FEZ1: variants seen among roughly 807,000 people sequenced by gnomAD.
FEZ1 encodes the protein fasciculation and elongation protein zeta-1.
A neutral mutation model predicts 49.3 loss-of-function variants in FEZ1; 20 were observed. The observed-to-expected ratio is 0.41, with a 90% confidence interval of 0.29 to 0.59. The LOEUF is 0.59. Among genes scored for constraint, FEZ1 ranks in the 20% least tolerant of loss-of-function variants. The probability of loss-of-function intolerance (pLI) is 0.36; values close to 1 mark genes in which losing one functional copy is unlikely to be tolerated. For missense variants in FEZ1, 413 were observed against 476.0 expected, an observed-to-expected ratio of 0.87 and a Z score of 1.23; for synonymous variants, 170 against 180.9, an observed-to-expected ratio of 0.94 and a Z score of 0.48.
intron 3 of FEZ1, among the ~76,000 whole-genome samples, chr11:125,475,593 G>T (rs1203084470): frequency 1.3e-5 from 2 of 152,016 alleles, no homozygotes; most frequent in Non-Finnish European, 2.9e-5. Flanking sequence ...GAGGATGAAG[G>T]GTGGGAGGAG....
chr11:125,460,944 G>A (rs989720737), intron 4 of FEZ1, among the ~76,000 whole-genome samples: 2 of 152,136 alleles, frequency 1.3e-5, no homozygotes, highest in African/African-American at 4.8e-5. Flanking sequence ...AGGAAGCAAG[G>A]CAGAGCTGCC....
intron 1 of FEZ1, among the ~76,000 whole-genome samples, chr11:125,491,357 G>C (rs1284574890): frequency 2.0e-5 from 3 of 152,160 alleles, no homozygotes; most frequent in African/African-American, 7.2e-5. Context: ...ATTCCTCGAG[G>C]ACACAGAAAT....
At chr11:125,462,671 G>A (rs1195276960) in intron 4 of FEZ1, among the ~76,000 whole-genome samples, 1 of 152,218 alleles carries the variant, frequency 6.6e-6, no homozygotes, top group Non-Finnish European at 1.5e-5. Context: ...TGGGCAACCT[G>A]AGGCAGAAAG....
At chr11:125,474,831 T>G (rs1041408477) in intron 3 of FEZ1, among the ~76,000 whole-genome samples, 1 of 152,140 alleles carries the variant, frequency 6.6e-6, no homozygotes, top group Non-Finnish European at 1.5e-5. Flanking sequence ...GAGGTTGCAG[T>G]GAGCTGAGAT....
intron 1 of FEZ1, among the ~76,000 whole-genome samples, chr11:125,490,662 G>C (rs1957372658): frequency 6.6e-6 from 1 of 152,088 alleles, no homozygotes. Context: ...AGGAGTTCAA[G>C]ACCAGCCTGG....
intron 3 of FEZ1, among the ~76,000 whole-genome samples, chr11:125,471,183 G>A (rs549307933): frequency 1.3e-5 from 2 of 151,902 alleles, no homozygotes; most frequent in African/African-American, 4.8e-5. Flanking sequence ...TGGAACAGAG[G>A]AACAACAAAA....
At chr11:125,455,123 G>T (rs892798996) in intron 6 of FEZ1, among the ~76,000 whole-genome samples, 2 of 151,918 alleles carry the variant, frequency 1.3e-5, no homozygotes, top group Non-Finnish European at 2.9e-5. Context: ...AGGCACGGTG[G>T]CTCATGCCCG....
At position 125,495,126 on chromosome 11, in the gene FEZ1, T is replaced by C; in HGVS notation, c.-46+995A>G. The C allele has an allele frequency of 2.9e-6, 1 of 345,802 alleles. No homozygotes were observed. The highest frequency in any genetic ancestry group is 5.9e-6 in the Non-Finnish European group (1 of 168,884). 21.4% of individuals were successfully genotyped at this position (345,802 alleles called of 1,614,324 possible). A position where few individuals can be genotyped will look rare whatever the true frequency, so the allele number is the denominator to read the frequency against. On this transcript the variant is annotated intron_variant, in intron 1 of 9. Coordinates refer to ENST00000278919, the MANE Select transcript of FEZ1 (RefSeq NM_005103.5). This position sits in a 1 kb window ranked among gnomAD's most constrained non-coding sequence, Gnocchi z 4.2. ...CCCTTCGCGGTTCTGCTTGCTCCCC[T>C]CCCCCTCCTCCCGCTGCTCCATTCA...
chr11:125,452,885 T>C (rs1169340482), intron 7 of FEZ1: 1 of 153,980 alleles, frequency 6.5e-6, no homozygotes, highest in Non-Finnish European at 1.4e-5. Flanking sequence ...CAGGGCCTAG[T>C]GGGCTGTCAA....
In FEZ1 at chr11:125,495,186, G is replaced by A; in HGVS notation, c.-46+935C>T. 1 of 356,568 alleles carries A rather than the reference G, an allele frequency of 2.8e-6. No individual in the cohort carries two copies. The highest frequency in any genetic ancestry group is 2.1e-5 in the South Asian group (1 of 46,654). The allele number at this position is 356,568 out of a possible 1,614,324, so 22.1% of individuals were successfully genotyped here. A position where few individuals can be genotyped will look rare whatever the true frequency, so the allele number is the denominator to read the frequency against. Reference sequence around the variant, plus strand: ...CAGATCCCCCTCCTCCCCCCAGTCCGGTGGGGTAAAGAAAGCCTCCTCCAG... The same window carrying A: ...CAGATCCCCCTCCTCCCCCCAGTCCAGTGGGGTAAAGAAAGCCTCCTCCAG... On this transcript the variant is annotated intron_variant, in intron 1 of 9. Coordinates refer to ENST00000278919, the MANE Select transcript of FEZ1 (RefSeq NM_005103.5). This position sits in a 1 kb window ranked among gnomAD's most constrained non-coding sequence, Gnocchi z 4.2.
In FEZ1 at chr11:125,495,351, G is replaced by T. The variant is rs1363628920; in HGVS notation, c.-46+770C>A. 2 of 470,112 alleles carry T rather than the reference G, an allele frequency of 4.3e-6. No individual in the cohort carries two copies. Among genetic ancestry groups the T allele is most frequent in the Admixed American group, 4.7e-5 (2 of 42,482 alleles). 29.1% of individuals were successfully genotyped at this position (470,112 alleles called of 1,614,324 possible). A position where few individuals can be genotyped will look rare whatever the true frequency, so the allele number is the denominator to read the frequency against. The stretch of plus-strand genomic sequence containing the variant: ...GGGATGCCTAGCGGCGAGGAGAGAA[G>T]GGATAGGCAAAAGGGAAGAAGAGCG... On this transcript the variant is annotated intron_variant, in intron 1 of 9. Transcript: ENST00000278919. The surrounding 1 kb of genome is among the most constrained non-coding windows in gnomAD (Gnocchi z 4.2).
chr11:125,447,593 G>A (rs1024189864), intron 9 of FEZ1, among the ~76,000 whole-genome samples: 1 of 152,148 alleles, frequency 6.6e-6, no homozygotes. Flanking sequence ...AGGCCAAGGC[G>A]AGTGGATCAC....
At position 125,489,187 on chromosome 11, in the gene FEZ1, A is replaced by T. The variant is rs1276706624; in HGVS notation, c.311+280T>A. On this transcript the variant is annotated intron_variant, in intron 2 of 9. Transcript: ENST00000278919. The surrounding 1 kb of genome is among the most constrained non-coding windows in gnomAD (Gnocchi z 4.2). ...TCCACTGATATAAAGAAAGCTTAAGATAGACAGACCCTGAAATTTACTGTG... is the reference window on the plus strand; with the variant it reads ...TCCACTGATATAAAGAAAGCTTAAGTTAGACAGACCCTGAAATTTACTGTG... The T allele has an allele frequency of 9.1e-7, 1 of 1,099,262 alleles. No individual in the cohort carries two copies. Among genetic ancestry groups the T allele is most frequent in the African/African-American group, 1.6e-5 (1 of 61,356 alleles). The allele number at this position is 1,099,262 out of a possible 1,614,324, so 68.1% of individuals were successfully genotyped here. A position where few individuals can be genotyped will look rare whatever the true frequency, so the allele number is the denominator to read the frequency against.
chr11:125,451,031 C>T (rs1227692300), intron 8 of FEZ1, among the ~76,000 whole-genome samples: 1 of 152,118 alleles, frequency 6.6e-6, no homozygotes, highest in Non-Finnish European at 1.5e-5. Context: ...AAAGATTTCA[C>T]ACTGAATTCC....
rs534674556 is a variant in FEZ1, at chr11:125,458,508, T to C, written c.667+1990A>G. Among the ~76,000 whole-genome samples the C allele has an allele frequency of 2.0e-5, 3 of 152,332 alleles. No individual in the cohort carries two copies. In the East Asian group the frequency reaches 5.8e-4, roughly 29 times the overall value. On this transcript the variant is annotated intron_variant, in intron 5 of 9. Transcript: ENST00000278919. The stretch of plus-strand genomic sequence containing the variant: ...AGCTTCACCCCTTATGGCTTCTGCA[T>C]GGACTAAGCACAAATACAAATTTTA...
At chr11:125,457,490 GTGTATATA>G (rs1565533652) in intron 5 of FEZ1, among the ~76,000 whole-genome samples, 432 of 20,792 alleles carry the variant, frequency 0.021, 12 homozygotes, top group South Asian at 0.065. Context: ...ACACATATAT[GTGTATATA>G]TGTATATATA....
chr11:125,460,737 C>G, intron 4 of FEZ1, 71 bp from the exon 5 acceptor site: 1 of 1,392,986 alleles, frequency 7.2e-7, no homozygotes, highest in Non-Finnish European at 1.0e-6. Flanking sequence ...GAATTTTGAT[C>G]AGTTAAGGAT....
chr11:125,451,117 T>C (rs1565530756), intron 8 of FEZ1, among the ~76,000 whole-genome samples: 1 of 152,204 alleles, frequency 6.6e-6, no homozygotes, highest in East Asian at 1.9e-4. Context: ...TATATCAACC[T>C]TCATAATTTG....
intron 9 of FEZ1, among the ~76,000 whole-genome samples, chr11:125,446,915 T>C (rs922305344): frequency 6.6e-6 from 1 of 152,234 alleles, no homozygotes; most frequent in East Asian, 1.9e-4. Flanking sequence ...ATGTTTACTC[T>C]AAGTTCCTCC....
Sources: allele counts gnomAD v4.1 joint callset (sites outside exome capture counted in the v4.1 genomes callset), GRCh38; gene constraint gnomAD v4.1.1; non-coding constraint Gnocchi (gnomAD v3.1); transcripts MANE v1.5; gene names NCBI Gene and HGNC (gene_info 2026-07-23, HGNC 2026-07-21).